RBM20: variants seen among roughly 807,000 people sequenced by gnomAD.
RBM20 encodes RNA binding motif protein 20.
In RBM20, 51 loss-of-function variants were observed where a neutral mutation model predicts 110.1. The ratio of observed to expected loss-of-function variants is 0.46; its 90% CI spans 0.37 to 0.59. The LOEUF (loss-of-function observed/expected upper bound fraction) is 0.59, where lower values mean the gene tolerates loss of function less well. Among genes scored for constraint, RBM20 ranks in the 20% least tolerant of loss-of-function variants. The probability of loss-of-function intolerance (pLI) is 0.00; values close to 1 mark genes in which losing one functional copy is unlikely to be tolerated. For synonymous variants in RBM20, 589 were observed against 618.2 expected (o/e 0.95, Z 0.70); for missense variants, 1,512 against 1,574.9 (o/e 0.96, Z 0.68).
chr10:110,809,354 A>C (rs775862834), intron 7 of RBM20, among the ~76,000 whole-genome samples: 1 of 152,096 alleles, frequency 6.6e-6, no homozygotes, highest in Admixed American at 6.6e-5. Flanking sequence ...CTTTAAAAAA[A>C]TCAGCTTTAT....
At chr10:110,694,517 A>G (rs1862633028) in intron 1 of RBM20, among the ~76,000 whole-genome samples, 1 of 152,190 alleles carries the variant, frequency 6.6e-6, no homozygotes, top group African/African-American at 2.4e-5. Context: ...GTGAAAGCTG[A>G]TATTCTCTCC....
chr10:110,700,753 C>T (rs181201026), intron 1 of RBM20, among the ~76,000 whole-genome samples: 4 of 152,290 alleles, frequency 2.6e-5, no homozygotes, highest in African/African-American at 7.2e-5. Flanking sequence ...CGGTGGCTCA[C>T]CCCTGTCATC....
intron 1 of RBM20, among the ~76,000 whole-genome samples, chr10:110,680,933 C>T (rs1292775981): frequency 1.3e-5 from 2 of 152,186 alleles, no homozygotes; most frequent in African/African-American, 4.8e-5. Context: ...CTTCTTTCTT[C>T]TTCAGTCTGT....
At chr10:110,673,614 C>T (rs1862292084) in intron 1 of RBM20, among the ~76,000 whole-genome samples, 1 of 152,156 alleles carries the variant, frequency 6.6e-6, no homozygotes, top group Admixed American at 6.5e-5. Context: ...TATGAGAATA[C>T]TCTTAAGATA....
rs924364804 is a variant in RBM20, at chr10:110,781,839, G to T, written c.1230G>T (p.Leu410Phe). 1.3e-6 allele frequency: 2 copies of T among 1,551,754 alleles called. No homozygotes were observed. The highest frequency in any genetic ancestry group is 8.7e-7 in the Non-Finnish European group (1 of 1,147,014). The change falls in exon 2 of 14, where the codon TTG becomes TTT. Residue 410 changes from leucine to phenylalanine, a missense_variant. Leu to Phe is a conservative substitution (Grantham distance 22, BLOSUM62 0). Coordinates refer to ENST00000369519, the MANE Select transcript of RBM20 (RefSeq NM_001134363.3). ...NDFHGVAPLHLPHICSICDKK... is the reference protein window; with the variant it reads ...NDFHGVAPLHFPHICSICDKK... ...TTCACGGTGTGGCCCCCCTCCACTT[G>T]CCGCATATCTGTAGCATCTGTGACA...
Position 110,644,588 on chromosome 10 carries a change from CGCCGCCGCCCCA to C in RBM20, c.138_149del (p.Gln49_Pro52del). ...GGCCCGCGAGGGATGCAGCAGCCGC[CGCCGCCGCCCCA>C]GCCACCGCCCCCGCCCCAAGCCGGC... On this transcript the variant is annotated inframe_deletion, in exon 1 of 14. Transcript: ENST00000369519. The surrounding 1 kb of genome is among the most constrained non-coding windows in gnomAD (Gnocchi z 4.3). The C allele has an allele frequency of 1.3e-6, 2 of 1,524,330 alleles. 1 individual carries two copies. Among genetic ancestry groups the C allele is most frequent in the South Asian group, 2.4e-5 (2 of 82,238 alleles). 94.4% of individuals were successfully genotyped at this position (1,524,330 alleles called of 1,614,324 possible). A position where few individuals can be genotyped will look rare whatever the true frequency, so the allele number is the denominator to read the frequency against.
intron 1 of RBM20, among the ~76,000 whole-genome samples, chr10:110,751,674 T>C (rs1672598155): frequency 6.6e-6 from 1 of 152,206 alleles, no homozygotes. Context: ...TAATAGTAAT[T>C]TACTTGCCTT....
At chr10:110,653,036 T>TG in intron 1 of RBM20, among the ~76,000 whole-genome samples, 1 of 152,354 alleles carries the variant, frequency 6.6e-6, no homozygotes, top group African/African-American at 2.4e-5. Context: ...TGCTCTTCTT[T>TG]GTTCAAGGTT....
rs193017855 is a variant in RBM20 at position 110,802,776 on chromosome 10, G to A, written c.1800+2858G>A. Among the ~76,000 whole-genome samples, 294 of 152,314 alleles carry A rather than the reference G, an allele frequency of 1.9e-3. 1 individual carries two copies. Among genetic ancestry groups the A allele is most frequent in the Non-Finnish European group, 3.4e-3 (232 of 68,040 alleles). On this transcript the variant is annotated intron_variant, in intron 7 of 13. Coordinates refer to ENST00000369519, the MANE Select transcript of RBM20 (RefSeq NM_001134363.3). ...CCATGGAGGGAGAAGTAGCAAGCTGGCGAGGAGCTCAGTCTGGTGGGAGAA... is the reference window on the plus strand; with the variant it reads ...CCATGGAGGGAGAAGTAGCAAGCTGACGAGGAGCTCAGTCTGGTGGGAGAA...
At chr10:110,741,782 T>C (rs143289234) in intron 1 of RBM20, among the ~76,000 whole-genome samples, 2 of 146,794 alleles carry the variant, frequency 1.4e-5, no homozygotes, top group African/African-American at 5.1e-5. Flanking sequence ...CCTCACCTCC[T>C]CTAGGAACCC....
At chr10:110,748,683 T>G (rs1471514136) in intron 1 of RBM20, among the ~76,000 whole-genome samples, 9 of 150,346 alleles carry the variant, frequency 6.0e-5, no homozygotes, top group Admixed American at 6.0e-4. Context: ...CTCTCTCTCT[T>G]TCTCTCTCTC....
intron 1 of RBM20, among the ~76,000 whole-genome samples, chr10:110,648,297 C>T (rs12240757): frequency 0.039 from 5,961 of 152,196 alleles, 362 homozygotes; most frequent in African/African-American, 0.14. Flanking sequence ...TCCCCTCACT[C>T]GGAATAGAAA....
rs760317651 is a variant in RBM20 at position 110,752,920 on chromosome 10, CATAT to C, written c.192-27858_192-27855del. Among the ~76,000 whole-genome samples, 651 of 125,172 alleles carry C rather than the reference CATAT, an allele frequency of 5.2e-3. 3 individuals are homozygous for C. The highest frequency in any genetic ancestry group is 0.018 in the African/African-American group (556 of 31,354). The allele number at this position is 125,172 out of a possible 152,430, so 82.1% of individuals were successfully genotyped here. ...AATACATATATATTATATATTTATA[CATAT>C]ATATATATATATATATATATATTTT... On this transcript the variant is annotated intron_variant, in intron 1 of 13. Transcript: ENST00000369519.
At chr10:110,806,367 G>A (rs1158447637) in intron 7 of RBM20, among the ~76,000 whole-genome samples, 1 of 152,192 alleles carries the variant, frequency 6.6e-6, no homozygotes, top group Admixed American at 6.5e-5. Flanking sequence ...CATGGCTGTG[G>A]AGGCCTCAGA....
intron 1 of RBM20, among the ~76,000 whole-genome samples, chr10:110,746,055 T>C (rs1449977368): frequency 6.6e-6 from 1 of 152,218 alleles, no homozygotes; most frequent in African/African-American, 2.4e-5. Context: ...TGTTCTTGCC[T>C]GGGCTCGCTC....
rs1240481939 is a variant in RBM20, at chr10:110,821,955, T to C, written c.3316+20T>C. On this transcript the variant is annotated intron_variant, in intron 11 of 13. Coordinates refer to ENST00000369519, the MANE Select transcript of RBM20 (RefSeq NM_001134363.3). ...CCCCGGGTAACTATCTCCCCTTTCC[T>C]CACGGGTGGTCGGGTTGATTGGACT... The C allele has an allele frequency of 2.6e-6, 4 of 1,550,882 alleles. No homozygotes were observed. The highest frequency in any genetic ancestry group is 3.5e-6 in the Non-Finnish European group (4 of 1,146,406).
chr10:110,831,685 A>G (rs1029671868), intron 13 of RBM20, among the ~76,000 whole-genome samples: 1 of 150,166 alleles, frequency 6.7e-6, no homozygotes, highest in Non-Finnish European at 1.5e-5. Context: ...AAAAAAAAAA[A>G]AAAAAACACT....
chr10:110,672,551 C>T (rs1294130172), intron 1 of RBM20, among the ~76,000 whole-genome samples: 4 of 152,240 alleles, frequency 2.6e-5, no homozygotes, highest in Non-Finnish European at 1.5e-5. Context: ...AGGCGGTCTT[C>T]CCGGGTGTTC....
intron 1 of RBM20, among the ~76,000 whole-genome samples, chr10:110,675,281 T>C (rs2039875): frequency 0.29 from 44,020 of 151,936 alleles, 8,023 homozygotes; most frequent in East Asian, 0.66. Flanking sequence ...ATTGTGATAG[T>C]CAAAAAAATA....
Sources: gnomAD v4.1 joint callset for allele counts (sites outside exome capture counted in the v4.1 genomes callset) on GRCh38, gnomAD v4.1.1 for gene constraint, Gnocchi (gnomAD v3.1) non-coding constraint, MANE v1.5 for transcripts, NCBI Gene and HGNC (gene_info 2026-07-23, HGNC 2026-07-21) for gene names.